Variants in ASAP1 observed in about 807,000 individuals in gnomAD.
ASAP1 encodes arf-GAP with SH3 domain, ANK repeat and PH domain-containing protein 1.
ASAP1 carries 43 observed loss-of-function variants against 145.2 expected under a neutral mutation model. That is an observed-to-expected ratio of 0.30 (90% CI 0.23 to 0.38). The LOEUF (loss-of-function observed/expected upper bound fraction) is 0.38. Ranked by LOEUF, ASAP1 falls within the 10% of genes least tolerant of loss-of-function variation. The pLI is 1.00. For missense variants in ASAP1, 1,018 were observed against 1,355.3 expected (o/e 0.75, Z 3.91); for synonymous variants, 546 against 515.5 (o/e 1.06, Z -0.80).
chr8:130,179,452 C>A, intron 8 of ASAP1, 103 bp from the exon 9 acceptor site: 1 of 693,886 alleles, frequency 1.4e-6, no homozygotes, highest in Non-Finnish European at 2.6e-6. Context: ...CACAAGTTAC[C>A]AAGCCTTGGT....
chr8:130,242,065 C>T (rs924914725), intron 3 of ASAP1, among the ~76,000 whole-genome samples: 1 of 151,628 alleles, frequency 6.6e-6, no homozygotes, highest in African/African-American at 2.4e-5. Context: ...TTATACCTAC[C>T]ATCTAGGAGT....
In ASAP1 at chr8:130,357,999, G is replaced by T; in HGVS notation, c.186+18C>A. The stretch of plus-strand genomic sequence containing the variant: ...GGCAGCGGCGAGCGTGGACGGCGGG[G>T]GTCCCGGCCCGACCTACCTCCTCCA... On this transcript the variant is annotated intron_variant, in intron 3 of 29. Transcript: ENST00000518721. 6.3e-7 allele frequency: 1 copy of T among 1,597,654 alleles called. No homozygotes were observed. Among genetic ancestry groups the T allele is most frequent in the Non-Finnish European group, 8.5e-7 (1 of 1,174,992 alleles).
At chr8:130,300,149 CACACAGAGAGAG>C (rs1327427944) in intron 3 of ASAP1, among the ~76,000 whole-genome samples, 38 of 88,730 alleles carry the variant, frequency 4.3e-4, no homozygotes, top group East Asian at 8.5e-4. Flanking sequence ...CACACACACA[CACACAGAGAGAG>C]AGAGAGAGAG....
chr8:130,060,855 T>G lies in ASAP1; in HGVS notation c.2916A>C (p.Pro972=), dbSNP rs752577734. Residue 972 remains proline (P), a synonymous_variant, in exon 28 of 30, where the codon CCA becomes CCC. Transcript: ENST00000518721. Reference sequence around the variant, plus strand: ...GTAAGTCTGAGAGTTGGGGTTTGGGTGGCAGGTCCCCCAGCTGTGGTTTGG... The same window carrying G: ...GTAAGTCTGAGAGTTGGGGTTTGGGGGGCAGGTCCCCCAGCTGTGGTTTGG... ...LPPKPQLGDL[P]PKPQLSDLPP... 1 of 1,613,798 alleles carries G rather than the reference T, an allele frequency of 6.2e-7. No individual in the cohort carries two copies. The highest frequency in any genetic ancestry group is 1.7e-5 in the Admixed American group (1 of 59,990).
chr8:130,300,184 A>AGAGAGAGAGAGAGAGAGAGAGAGC (rs761456724), intron 3 of ASAP1, among the ~76,000 whole-genome samples: 19 of 140,270 alleles, frequency 1.4e-4, no homozygotes, highest in African/African-American at 1.1e-4. Flanking sequence ...AGAGAGAGAG[A>AGAGAGAGAGAGAGAGAGAGAGAGC]GAGCGAGCGA....
chr8:130,246,571 C>T (rs913212914), intron 3 of ASAP1, among the ~76,000 whole-genome samples: 2 of 152,146 alleles, frequency 1.3e-5, no homozygotes, highest in Admixed American at 6.6e-5. Flanking sequence ...GAAGAAGGTG[C>T]TTGCTTCGTC....
chr8:130,432,987 C>T (rs753349745), intron 1 of ASAP1, among the ~76,000 whole-genome samples: 22 of 152,188 alleles, frequency 1.4e-4, no homozygotes, highest in Non-Finnish European at 2.5e-4. Flanking sequence ...GTCGCTCACT[C>T]GCCCCCGCAG....
intron 9 of ASAP1, among the ~76,000 whole-genome samples, chr8:130,169,320 A>T (rs982534260): frequency 2.0e-5 from 3 of 152,224 alleles, no homozygotes; most frequent in African/African-American, 7.2e-5. Context: ...TATCACAAGG[A>T]CACTGGAAAT....
intron 27 of ASAP1, among the ~76,000 whole-genome samples, chr8:130,072,831 G>GCACGC (rs58907739): frequency 9.0e-6 from 1 of 110,706 alleles, no homozygotes; most frequent in African/African-American, 3.6e-5. Context: ...GTGTGCGCGC[G>GCACGC]GGGGGGGGCA....
chr8:130,118,344 A>T, intron 19 of ASAP1, 98 bp from the exon 20 acceptor site: 1 of 1,352,820 alleles, frequency 7.4e-7, no homozygotes, highest in Non-Finnish European at 1.0e-6. Flanking sequence ...TAAGGAGCAC[A>T]CCTCTTCACT....
At chr8:130,342,384 C>T (rs1825440343) in intron 3 of ASAP1, among the ~76,000 whole-genome samples, 2 of 152,184 alleles carry the variant, frequency 1.3e-5, no homozygotes, top group Admixed American at 1.3e-4. Context: ...CAGAGGCCTT[C>T]TGTAAAATAC....
At chr8:130,158,835 C>T (rs1409404879) in intron 12 of ASAP1, among the ~76,000 whole-genome samples, 1 of 151,886 alleles carries the variant, frequency 6.6e-6, no homozygotes, top group South Asian at 2.1e-4. Context: ...GGGTTCGCAC[C>T]ATTCTCCTGC....
chr8:130,169,570 T>C (rs912184594), intron 9 of ASAP1, among the ~76,000 whole-genome samples: 1 of 152,226 alleles, frequency 6.6e-6, no homozygotes, highest in Non-Finnish European at 1.5e-5. Flanking sequence ...CAACATATAT[T>C]TGAAACACAA....
chr8:130,383,592 C>T (rs77172770), intron 2 of ASAP1, among the ~76,000 whole-genome samples: 4,616 of 152,250 alleles, frequency 0.03, 105 homozygotes, highest in Middle Eastern at 0.092. Flanking sequence ...TAATATTATT[C>T]CCAGATGAGG....
intron 3 of ASAP1, among the ~76,000 whole-genome samples, chr8:130,346,289 A>G (rs1825698975): frequency 6.6e-6 from 1 of 152,240 alleles, no homozygotes; most frequent in African/African-American, 2.4e-5. Context: ...TGACAAAATT[A>G]TCCCAAAATC....
chr8:130,269,381 G>A (rs1206087591), intron 3 of ASAP1, among the ~76,000 whole-genome samples: 3 of 152,300 alleles, frequency 2.0e-5, no homozygotes, highest in East Asian at 3.9e-4. Context: ...CCTCTAGCTC[G>A]AAGGAAGCAA....
intron 9 of ASAP1, among the ~76,000 whole-genome samples, chr8:130,175,454 G>A (rs1813887079): frequency 6.6e-6 from 1 of 152,036 alleles, no homozygotes; most frequent in South Asian, 2.1e-4. Context: ...TCGAACTCCT[G>A]GGCTCAAGTG....
intron 1 of ASAP1, among the ~76,000 whole-genome samples, chr8:130,434,238 C>T (rs1316392539): frequency 6.6e-6 from 1 of 152,098 alleles, no homozygotes; most frequent in Non-Finnish European, 1.5e-5. Flanking sequence ...ATCACTTGAA[C>T]CTGGGAGGAT....
chr8:130,314,810 G>A (rs1044358664), intron 3 of ASAP1, among the ~76,000 whole-genome samples: 1 of 152,220 alleles, frequency 6.6e-6, no homozygotes, highest in Non-Finnish European at 1.5e-5. Context: ...GTCGGGATGT[G>A]CAGACAACTA....
Sources: allele counts gnomAD v4.1 joint callset (sites outside exome capture counted in the v4.1 genomes callset), GRCh38; gene constraint gnomAD v4.1.1; transcripts MANE v1.5; gene names NCBI Gene and HGNC (gene_info 2026-07-23, HGNC 2026-07-21).